DNM3: variants seen among roughly 807,000 people sequenced by gnomAD.
The protein encoded by DNM3 is dynamin 3.
Under a neutral mutation model 101.6 loss-of-function variants are expected in DNM3, and 47 were observed. The observed-to-expected ratio is 0.46, with a 90% CI of 0.37 to 0.59. The LOEUF (loss-of-function observed/expected upper bound fraction) is 0.59. Ranked by LOEUF, DNM3 falls within the 20% of genes least tolerant of loss-of-function variation. The pLI is 0.00. For synonymous variants in DNM3, 385 were observed against 387.9 expected, an observed-to-expected ratio of 0.99 and a Z score of 0.09; for missense variants, 849 against 1,085.7, an observed-to-expected ratio of 0.78 and a Z score of 3.06.
chr1:172,049,477 A>G (rs1178127823), intron 10 of DNM3, among the ~76,000 whole-genome samples: 1 of 152,152 alleles, frequency 6.6e-6, no homozygotes, highest in African/African-American at 2.4e-5. Flanking sequence ...TACCCTGAAT[A>G]TCTATTAAAT....
At chr1:172,375,027 G>C (rs147933077) in intron 17 of DNM3, among the ~76,000 whole-genome samples, 6 of 152,126 alleles carry the variant, frequency 3.9e-5, no homozygotes, top group African/African-American at 1.4e-4. Flanking sequence ...AAGTTTTTAG[G>C]TGATGGAAGT....
At position 172,190,806 on chromosome 1, in the gene DNM3, A is replaced by G. The variant is rs146622620; in HGVS notation, c.1659+59518A>G. ...TTTTCATGTGTCTGTTGGTGGCACA[A>G]ATGTCTTCTTTTGAGAAGTGTCTGT... On this transcript the variant is annotated intron_variant, in intron 14 of 20. Transcript: ENST00000627582. Among the ~76,000 whole-genome samples the G allele has an allele frequency of 8.8e-3, 1,342 of 152,274 alleles. 32 individuals are homozygous for G. Among genetic ancestry groups the G allele is most frequent in the African/African-American group, 0.031 (1,271 of 41,536 alleles).
chr1:171,918,456 A>G lies in DNM3; in HGVS notation c.162-3292A>G, dbSNP rs554934391. Reference sequence around the variant, plus strand: ...AGAGTGTGCTGGGCATATGGTTTTCATTTTGCTGGACCATCAGAAGGAGAC... The same window carrying G: ...AGAGTGTGCTGGGCATATGGTTTTCGTTTTGCTGGACCATCAGAAGGAGAC... On this transcript the variant is annotated intron_variant, in intron 1 of 20. Transcript: ENST00000627582. Among the ~76,000 whole-genome samples the G allele has an allele frequency of 6.6e-5, 10 of 152,266 alleles. No individual in the cohort carries two copies. The East Asian group carries it at 1.9e-3, about 29-fold the overall frequency.
At chr1:171,985,671 A>C (rs2045198035) in intron 2 of DNM3, among the ~76,000 whole-genome samples, 2 of 152,224 alleles carry the variant, frequency 1.3e-5, no homozygotes. Flanking sequence ...GTTGTCAGGA[A>C]AGACAGAAAT....
chr1:172,292,371 T>G (rs1478987933), intron 15 of DNM3, among the ~76,000 whole-genome samples: 1 of 152,216 alleles, frequency 6.6e-6, no homozygotes, highest in Non-Finnish European at 1.5e-5. Context: ...TTTACTCATC[T>G]TACATTAGCA....
chr1:172,384,286 G>A (rs1039494742), intron 18 of DNM3, among the ~76,000 whole-genome samples: 11 of 152,140 alleles, frequency 7.2e-5, no homozygotes, highest in African/African-American at 2.7e-4. Context: ...TACCTGTACT[G>A]TTGCAACAGC....
intron 14 of DNM3, among the ~76,000 whole-genome samples, chr1:172,223,999 C>A (rs2061010306): frequency 6.6e-6 from 1 of 152,160 alleles, no homozygotes; most frequent in Non-Finnish European, 1.5e-5. Flanking sequence ...TACATGTCTC[C>A]CAACTGCTTT....
At chr1:171,922,395 G>A (rs554779395) in intron 2 of DNM3, among the ~76,000 whole-genome samples, 30 of 151,386 alleles carry the variant, frequency 2.0e-4, no homozygotes, top group African/African-American at 6.3e-4. Flanking sequence ...TTCTTCTCTC[G>A]TGAATTGGCC....
chr1:172,133,854 G>A (rs1253373080), intron 14 of DNM3, among the ~76,000 whole-genome samples: 1 of 152,080 alleles, frequency 6.6e-6, no homozygotes, highest in African/African-American at 2.4e-5. Flanking sequence ...TAGGAACAGT[G>A]GGGGAGAAAG....
rs1178980531 is a variant in DNM3, at chr1:172,033,101, T to C, written c.689-4T>C. 1.2e-6 allele frequency: 2 copies of C among 1,610,902 alleles called. No individual in the cohort carries two copies. Among genetic ancestry groups the C allele is most frequent in the South Asian group, 2.2e-5 (2 of 90,308 alleles). On this transcript the variant is annotated splice_polypyrimidine_tract_variant and splice_region_variant and intron_variant, in intron 5 of 20. Coordinates refer to ENST00000627582, the MANE Select transcript of DNM3 (RefSeq NM_015569.5). Reference sequence around the variant, plus strand: ...CAACTCCATAGATTTGTGTTTTGTTTCAGGTTACGTGGGGGTGGTAAACAG... The same window carrying C: ...CAACTCCATAGATTTGTGTTTTGTTCCAGGTTACGTGGGGGTGGTAAACAG...
At chr1:172,105,185 C>T (rs1330047477) in intron 13 of DNM3, among the ~76,000 whole-genome samples, 1 of 152,156 alleles carries the variant, frequency 6.6e-6, no homozygotes, top group African/African-American at 2.4e-5. Context: ...ATAATGTCAA[C>T]AATAATAGCA....
intron 17 of DNM3, among the ~76,000 whole-genome samples, chr1:172,339,943 G>A (rs2066613890): frequency 6.6e-6 from 1 of 152,204 alleles, no homozygotes; most frequent in Non-Finnish European, 1.5e-5. Context: ...GTCAGGTGTG[G>A]TGGGACATAT....
At chr1:171,874,045 C>T (rs747462511) in intron 1 of DNM3, among the ~76,000 whole-genome samples, 13 of 152,184 alleles carry the variant, frequency 8.5e-5, no homozygotes, top group Admixed American at 2.6e-4. Context: ...ATTTAGTAAA[C>T]GGTAGACAGT....
At chr1:172,257,025 A>T (rs935352200) in intron 15 of DNM3, among the ~76,000 whole-genome samples, 2 of 151,968 alleles carry the variant, frequency 1.3e-5, no homozygotes, top group Non-Finnish European at 2.9e-5. Flanking sequence ...ATGGTCTAGT[A>T]CATGATGTTA....
At chr1:172,282,891 T>C (rs1183651107) in intron 15 of DNM3, among the ~76,000 whole-genome samples, 1 of 152,230 alleles carries the variant, frequency 6.6e-6, no homozygotes, top group African/African-American at 2.4e-5. Flanking sequence ...ACAGCTTATG[T>C]GACTGTCTTA....
At chr1:172,004,919 G>T (rs1375622049) in intron 4 of DNM3, among the ~76,000 whole-genome samples, 2 of 152,090 alleles carry the variant, frequency 1.3e-5, no homozygotes, top group Non-Finnish European at 2.9e-5. Flanking sequence ...GAGGAAGCAG[G>T]CAGCATGTTG....
At chr1:171,894,798 C>T (rs1368045575) in intron 1 of DNM3, among the ~76,000 whole-genome samples, 1 of 99,618 alleles carries the variant, frequency 1.0e-5, no homozygotes, top group Non-Finnish European at 2.2e-5. Context: ...CAAGTGTTCT[C>T]GTTGTTCAAT....
intron 17 of DNM3, among the ~76,000 whole-genome samples, chr1:172,368,596 A>T (rs1430512098): frequency 6.6e-6 from 1 of 151,844 alleles, no homozygotes; most frequent in Admixed American, 6.6e-5. Flanking sequence ...CCAAACCCAA[A>T]ATTAGAAGGA....
intron 6 of DNM3, among the ~76,000 whole-genome samples, chr1:172,036,668 G>A (rs1193598952): frequency 1.3e-5 from 2 of 152,002 alleles, no homozygotes; most frequent in Admixed American, 6.6e-5. Context: ...AGACTTAAAC[G>A]TTAGACCTAA....
Sources: allele counts gnomAD v4.1 joint callset (sites outside exome capture counted in the v4.1 genomes callset), GRCh38; gene constraint gnomAD v4.1.1; transcripts MANE v1.5; gene names NCBI Gene and HGNC (gene_info 2026-07-23, HGNC 2026-07-21).